LAMA5: variants seen among roughly 807,000 people sequenced by gnomAD.
LAMA5 encodes the protein laminin subunit alpha 5, also known as laminin subunit alpha-5.
LAMA5 carries 260 observed loss-of-function variants against 433.4 expected under a neutral mutation model. The ratio of observed to expected loss-of-function variants is 0.60; its 90% CI spans 0.54 to 0.66. The LOEUF is 0.66. Among genes scored for constraint, LAMA5 ranks in the 30% least tolerant of loss-of-function variants. LAMA5 has a pLI of 0.00. For missense variants in LAMA5, 5,378 were observed against 5,258.5 expected (o/e 1.02, Z -0.70); for synonymous variants, 2,620 against 2,226.6 (o/e 1.18, Z -4.97).
At position 62,325,599 on chromosome 20, in the gene LAMA5, G is replaced by GGGACAGAACAA. The variant is rs1464504585; in HGVS notation, c.5299-54_5299-53insTTGTTCTGTCC. 18 of 1,303,524 alleles carry GGGACAGAACAA rather than the reference G, an allele frequency of 1.4e-5. No homozygotes were observed. In the African/African-American group the frequency reaches 2.2e-4, roughly 16 times the overall value. The allele number at this position is 1,303,524 out of a possible 1,614,324, so 80.7% of individuals were successfully genotyped here. A position where few individuals can be genotyped will look rare whatever the true frequency, so the allele number is the denominator to read the frequency against. ...GGGCCACACTCAATGGGACAGAACA[G>GGGACAGAACAA]GGAGCCTAGAACAGACCCCCCAACC... On this transcript the variant is annotated intron_variant, in intron 40 of 79. Coordinates refer to ENST00000252999, the MANE Select transcript of LAMA5 (RefSeq NM_005560.6).
rs773570328 is a variant in LAMA5 at position 62,317,706 on chromosome 20, C to T, written c.7312G>A (p.Ala2438Thr). 4 of 1,604,118 alleles carry T rather than the reference C, an allele frequency of 2.5e-6. No individual in the cohort carries two copies. Among genetic ancestry groups the T allele is most frequent in the South Asian group, 1.1e-5 (1 of 89,752 alleles). ...CTGTGCAGCAATCTGAAGACGCTGGCCAGGGTGTCCCTAGCCGCATGCAGA... is the reference window on the plus strand; with the variant it reads ...CTGTGCAGCAATCTGAAGACGCTGGTCAGGGTGTCCCTAGCCGCATGCAGA... ...ATLHAARDTLASVFRLLHSLD... is the reference protein window; with the variant it reads ...ATLHAARDTLTSVFRLLHSLD... Residue 2438 changes from alanine (A) to threonine (T), a missense_variant, in exon 54 of 80, where the codon GCC (alanine) becomes ACC (threonine). By Grantham distance (58) the Ala-to-Thr change is moderately conservative. Coordinates refer to ENST00000252999, the MANE Select transcript of LAMA5 (RefSeq NM_005560.6).
rs575898932 is a variant in LAMA5 at position 62,338,055 on chromosome 20, G to A, written c.1852C>T (p.Arg618Trp). The change falls in exon 14 of 80, where the codon CGG (arginine) becomes TGG (tryptophan). Residue 618 changes from arginine (R) to tryptophan (W), a missense_variant. Arg to Trp is a moderately radical substitution (Grantham distance 101, BLOSUM62 -3). Coordinates refer to ENST00000252999, the MANE Select transcript of LAMA5 (RefSeq NM_005560.6). ...AAACCATGGTAGCCAGGGCGGCACC[G>A]GTCACAATGAGGTCCAGCAAACTCA... ...QPEFAGPHCD[R>W]CRPGYHGFPN... The A allele has an allele frequency of 3.5e-5, 56 of 1,604,408 alleles. 1 individual carries two copies. Among genetic ancestry groups the A allele is most frequent in the South Asian group, 3.2e-4 (29 of 90,134 alleles).
intron 48 of LAMA5, 26 bp from the exon 49 acceptor site, chr20:62,320,916 C>A: frequency 1.3e-6 from 2 of 1,595,740 alleles, no homozygotes; most frequent in South Asian, 2.2e-5. Context: ...GGTCACAGGT[C>A]AGTGTCATTG....
At position 62,337,706 on chromosome 20, in the gene LAMA5, C is replaced by G; in HGVS notation, c.2048G>C (p.Gly683Ala). 1 of 1,610,404 alleles carries G rather than the reference C, an allele frequency of 6.2e-7. No individual in the cohort carries two copies. The highest frequency in any genetic ancestry group is 8.5e-7 in the Non-Finnish European group (1 of 1,178,470). The change falls in exon 16 of 80, where the codon GGC (glycine) becomes GCC (alanine). Residue 683 changes from glycine (G) to alanine (A), a missense_variant. Gly to Ala is a moderately conservative substitution (Grantham distance 60, BLOSUM62 0). Coordinates refer to ENST00000252999, the MANE Select transcript of LAMA5 (RefSeq NM_005560.6). Reference protein sequence around the residue: ...SCVPCHCSAEGSLHAACDPRS... With the variant: ...SCVPCHCSAEASLHAACDPRS... ...GGGGTCACAGGCTGCGTGCAGGGAG[C>G]CTTCAGCAGAGCAGTGGCAGGCTGC...
rs770860733 is a variant in LAMA5 at position 62,312,334 on chromosome 20, C to G, written c.9361-18G>C. 1.2e-6 allele frequency: 2 copies of G among 1,606,444 alleles called. No homozygotes were observed. Among genetic ancestry groups the G allele is most frequent in the Non-Finnish European group, 1.7e-6 (2 of 1,179,132 alleles). ...CGCCCCACCTGCGGGGAGGCCATCC[C>G]TGAGTGCCCGCGGGTGCCCCTGCAT... is the stretch of plus-strand genomic sequence containing the variant. On this transcript the variant is annotated intron_variant, in intron 68 of 79. Coordinates refer to ENST00000252999, the MANE Select transcript of LAMA5 (RefSeq NM_005560.6).
chr20:62,314,561 G>A lies in LAMA5; in HGVS notation c.8361C>T (p.Ser2787=). ...TEDRFVMYMG[S]RQATGDYMGV... ...CACCCAGCCAGCCTGGTACCTGGCGGCTGCCCATGTACATCACAAAGCGAT... is the reference window on the plus strand; with the variant it reads ...CACCCAGCCAGCCTGGTACCTGGCGACTGCCCATGTACATCACAAAGCGAT... Residue 2787 remains serine, a synonymous_variant, in exon 61 of 80, where the codon AGC becomes AGT. Coordinates refer to ENST00000252999, the MANE Select transcript of LAMA5 (RefSeq NM_005560.6). 1 of 1,607,784 alleles carries A rather than the reference G, an allele frequency of 6.2e-7. No homozygotes were observed. Among genetic ancestry groups the A allele is most frequent in the South Asian group, 1.1e-5 (1 of 90,768 alleles).
intron 11 of LAMA5, among the ~76,000 whole-genome samples, chr20:62,344,914 G>A (rs1601390167): frequency 6.6e-6 from 1 of 152,354 alleles, no homozygotes; most frequent in South Asian, 2.1e-4. Context: ...TGTAATCACA[G>A]GACAGGGTGC....
intron 69 of LAMA5, 59 bp from the exon 70 acceptor site, chr20:62,312,109 C>T: frequency 6.2e-7 from 1 of 1,609,610 alleles, no homozygotes; most frequent in Non-Finnish European, 8.5e-7. Context: ...TTCCAGACAC[C>T]CCAGTCCCAA....
chr20:62,317,582 G>A, intron 54 of LAMA5, 80 bp downstream of exon 54: 1 of 1,524,434 alleles, frequency 6.6e-7, no homozygotes, highest in Non-Finnish European at 8.8e-7. Context: ...GCACGCAAGT[G>A]TGCACACAAA....
At position 62,333,852 on chromosome 20, in the gene LAMA5, G is replaced by GGGC. The variant is rs1555879235; in HGVS notation, c.2878+48_2878+49insGCC. On this transcript the variant is annotated intron_variant, in intron 23 of 79. Coordinates refer to ENST00000252999, the MANE Select transcript of LAMA5 (RefSeq NM_005560.6). ...GGGCTTGGGAGTGGGGTGGGGTGGG[G>GGGC]TGGGCTGGGCTGGTGGGGCAGGGGC... The GGGC allele has an allele frequency of 2.4e-5, 34 of 1,434,216 alleles. No homozygotes were observed. The East Asian group carries it at 4.5e-4, about 19-fold the overall frequency. The allele number at this position is 1,434,216 out of a possible 1,614,324, so 88.8% of individuals were successfully genotyped here.
At chr20:62,354,517 C>A (rs1480716527) in intron 2 of LAMA5, among the ~76,000 whole-genome samples, 1 of 152,142 alleles carries the variant, frequency 6.6e-6, no homozygotes, top group Non-Finnish European at 1.5e-5. Flanking sequence ...CAGTGAAACA[C>A]CGTGGGGGTG....
intron 47 of LAMA5, 32 bp from the exon 48 acceptor site, chr20:62,322,200 G>A (rs758874568): frequency 1.3e-6 from 2 of 1,572,930 alleles, no homozygotes; most frequent in Non-Finnish European, 1.7e-6. Flanking sequence ...AGCATGGCTG[G>A]CCTGGGACCT....
At chr20:62,366,888 G>C in intron 1 of LAMA5, 61 bp downstream of exon 1, 1 of 1,231,346 alleles carries the variant, frequency 8.1e-7, no homozygotes, top group Non-Finnish European at 1.0e-6. Context: ...CCTGGGGTCG[G>C]GCCGGTGTTC....
intron 48 of LAMA5, among the ~76,000 whole-genome samples, chr20:62,321,795 G>A (rs1419480950): frequency 6.7e-6 from 1 of 149,792 alleles, no homozygotes; most frequent in Non-Finnish European, 1.5e-5. Context: ...ATGGGGTGGG[G>A]CCAGGGCACA....
rs759776070 is a variant in LAMA5, at chr20:62,331,146, G to GA, written c.3553-18dup. On this transcript the variant is annotated splice_polypyrimidine_tract_variant and intron_variant, in intron 28 of 79. Transcript: ENST00000252999. The stretch of plus-strand genomic sequence containing the variant: ...GACCCCGTGCTGCAGGCAGAGGGAC[G>GA]AGATGCTGCAACGCCCGTGGTGCGG... 3 of 1,510,716 alleles carry GA rather than the reference G, an allele frequency of 2.0e-6. No individual in the cohort carries two copies. The Admixed American group carries it at 6.1e-5, about 31-fold the overall frequency. The allele number at this position is 1,510,716 out of a possible 1,614,324, so 93.6% of individuals were successfully genotyped here. A position where few individuals can be genotyped will look rare whatever the true frequency, so the allele number is the denominator to read the frequency against.
At position 62,366,961 on chromosome 20, in the gene LAMA5, G is replaced by C; in HGVS notation, c.285C>G (p.Asn95Lys). ...VGGPVAGGDP[N>K]QTIRGQYCDI... is the part of the protein sequence containing the mutation. ...CCCCTGCGCTCACCCGGATGGTCTGGTTGGGGTCGCCGCCGGCCACGGGGC... is the reference window on the plus strand; with the variant it reads ...CCCCTGCGCTCACCCGGATGGTCTGCTTGGGGTCGCCGCCGGCCACGGGGC... Residue 95 changes from asparagine to lysine, a missense_variant, in exon 1 of 80, where the codon AAC becomes AAG. Asn to Lys is a moderately conservative substitution (Grantham distance 94, BLOSUM62 0). Coordinates refer to ENST00000252999, the MANE Select transcript of LAMA5 (RefSeq NM_005560.6). 1 of 1,274,120 alleles carries C rather than the reference G, an allele frequency of 7.8e-7. No homozygotes were observed. The highest frequency in any genetic ancestry group is 2.9e-5 in the East Asian group (1 of 34,342). The allele number at this position is 1,274,120 out of a possible 1,614,324, so 78.9% of individuals were successfully genotyped here. A position where few individuals can be genotyped will look rare whatever the true frequency, so the allele number is the denominator to read the frequency against.
Position 62,316,766 on chromosome 20 carries a change from A to C in LAMA5, c.7661T>G (p.Val2554Gly). The change falls in exon 57 of 80, where the codon GTG becomes GGG. Residue 2554 changes from valine (V) to glycine (G), a missense_variant. By Grantham distance (109) the Val-to-Gly change is moderately radical. Transcript: ENST00000252999. ...QQADHTWATV[V>G]RQGLVDRAQQ... ...GGCTCGGTCCACCAGGCCCTGCCGC[A>C]CCACCGTCTGTGGATGCCAGGGCAG... 1 of 1,604,676 alleles carries C rather than the reference A, an allele frequency of 6.2e-7. No homozygotes were observed. Among genetic ancestry groups the C allele is most frequent in the Non-Finnish European group, 8.5e-7 (1 of 1,175,602 alleles).
At chr20:62,337,284 C>A (rs1981816960) in intron 16 of LAMA5, among the ~76,000 whole-genome samples, 1 of 152,224 alleles carries the variant, frequency 6.6e-6, no homozygotes, top group Non-Finnish European at 1.5e-5. Context: ...GTGACACAGG[C>A]ACCCACACTT....
In LAMA5 at chr20:62,349,665, ATGG is replaced by A. The variant is rs147543364; in HGVS notation, c.956+2036_956+2038del. On this transcript the variant is annotated intron_variant, in intron 6 of 79. Transcript: ENST00000252999. The stretch of plus-strand genomic sequence containing the variant: ...CCAGGGGATGGGGATGGGGATGGGG[ATGG>A]TGGGGGTGATGGGGGTGATGATGGT... Among the ~76,000 whole-genome samples, 7 of 24,298 alleles carry A rather than the reference ATGG, an allele frequency of 2.9e-4. 1 individual carries two copies. Among genetic ancestry groups the A allele is most frequent in the Admixed American group, 5.8e-4 (1 of 1,736 alleles). 15.9% of individuals were successfully genotyped at this position (24,298 alleles called of 152,430 possible).
Sources: allele counts gnomAD v4.1 joint callset (sites outside exome capture counted in the v4.1 genomes callset), GRCh38; gene constraint gnomAD v4.1.1; transcripts MANE v1.5; gene names NCBI Gene and HGNC (gene_info 2026-07-23, HGNC 2026-07-21).